HEATR5A: variants seen among roughly 807,000 people sequenced by gnomAD.
HEATR5A encodes HEAT repeat-containing protein 5A.
Under a neutral mutation model 218.8 loss-of-function variants are expected in HEATR5A, and 178 were observed. That is an observed-to-expected ratio of 0.81 (90% CI 0.72 to 0.92). The LOEUF is 0.92. Ranked by LOEUF, HEATR5A falls within the 40% of genes least tolerant of loss-of-function variation. The probability of loss-of-function intolerance (pLI) is 0.00; values close to 1 mark genes in which losing one functional copy is unlikely to be tolerated. For missense variants in HEATR5A, 2,420 were observed against 2,418.9 expected (o/e 1.00, Z -0.01); for synonymous variants, 864 against 871.6 (o/e 0.99, Z 0.15).
intron 18 of HEATR5A, 55 bp downstream of exon 18, chr14:31,349,734 G>A: frequency 8.4e-7 from 1 of 1,197,440 alleles, no homozygotes; most frequent in Non-Finnish European, 1.2e-6. Flanking sequence ...AAGCCAGAAA[G>A]CTATACCCAG....
At chr14:31,368,536 A>C (rs552543477) in intron 13 of HEATR5A, among the ~76,000 whole-genome samples, 1 of 152,006 alleles carries the variant, frequency 6.6e-6, no homozygotes, top group African/African-American at 2.4e-5. Flanking sequence ...AGTAAGGAAG[A>C]CTTCTTTTTT....
intron 7 of HEATR5A, among the ~76,000 whole-genome samples, chr14:31,388,584 C>T (rs1001686110): frequency 1.3e-5 from 2 of 152,116 alleles, no homozygotes; most frequent in African/African-American, 4.8e-5. Context: ...AGCACAACAG[C>T]TGGAAACAAA....
At chr14:31,303,231 G>A (rs1843396903) in intron 32 of HEATR5A, among the ~76,000 whole-genome samples, 2 of 152,144 alleles carry the variant, frequency 1.3e-5, no homozygotes, top group African/African-American at 4.8e-5. Context: ...TCAGGAGTTC[G>A]AGACCAGCCT....
chr14:31,415,120 G>A (rs532420128), intron 1 of HEATR5A, among the ~76,000 whole-genome samples: 1 of 152,168 alleles, frequency 6.6e-6, no homozygotes, highest in Non-Finnish European at 1.5e-5. Context: ...TTATAGGCGT[G>A]AGCCACCACG....
intron 10 of HEATR5A, among the ~76,000 whole-genome samples, chr14:31,381,562 A>G (rs113131484): frequency 6.9e-6 from 1 of 144,370 alleles, no homozygotes; most frequent in Admixed American, 6.8e-5. Context: ...TCCTTGGAAA[A>G]AAAAAAAAAA....
In HEATR5A at chr14:31,347,779, A is replaced by G; in HGVS notation, c.2837T>C (p.Leu946Ser). ...ATCAGGAGAAGTGCTGTCCTGCGCC[A>G]AAGTATAAAGGATTCCAATACAAGA... Reference protein sequence around the residue: ...LNSCIGILYTLAQDSTSPDVQ... With the variant: ...LNSCIGILYTSAQDSTSPDVQ... Residue 946 changes from leucine (L) to serine (S), a missense_variant, in exon 19 of 36, where the codon TTG becomes TCG. Coordinates refer to ENST00000543095, the MANE Select transcript of HEATR5A (RefSeq NM_015473.4). 1 of 1,608,762 alleles carries G rather than the reference A, an allele frequency of 6.2e-7. No individual in the cohort carries two copies. Among genetic ancestry groups the G allele is most frequent in the Non-Finnish European group, 8.5e-7 (1 of 1,177,926 alleles).
rs1416001179 is a variant in HEATR5A, at chr14:31,313,147, G to A, written c.4262C>T (p.Pro1421Leu). ...AVQRHKNHRQ[P>L]LKTTTCLEDG... ...TTCTAAACAGGTGGTAGTCTTCAAAGGTTGTCTGTGGTTTTTATGTCTTTG... is the reference window on the plus strand; with the variant it reads ...TTCTAAACAGGTGGTAGTCTTCAAAAGTTGTCTGTGGTTTTTATGTCTTTG... The change falls in exon 28 of 36, where the codon CCT becomes CTT. Residue 1421 changes from proline (P) to leucine (L), a missense_variant. Physicochemically the swap from Pro to Leu is moderately conservative, Grantham distance 98 (BLOSUM62 -3). Transcript: ENST00000543095. 3.1e-6 allele frequency: 5 copies of A among 1,613,698 alleles called. No homozygotes were observed. The African/African-American group carries it at 6.7e-5, about 22-fold the overall frequency.
chr14:31,402,236 A>T (rs2030904983), intron 2 of HEATR5A, among the ~76,000 whole-genome samples: 1 of 152,236 alleles, frequency 6.6e-6, no homozygotes, highest in African/African-American at 2.4e-5. Context: ...TGCATATAGT[A>T]CTGTGATTAT....
chr14:31,410,604 C>A (rs965761805), intron 1 of HEATR5A, among the ~76,000 whole-genome samples: 1 of 152,134 alleles, frequency 6.6e-6, no homozygotes, highest in African/African-American at 2.4e-5. Context: ...TAGGCAGAAT[C>A]CTAAAGCTGG....
At chr14:31,388,750 G>T (rs2030333480) in intron 7 of HEATR5A, 95 bp downstream of exon 7, 7 of 923,576 alleles carry the variant, frequency 7.6e-6, no homozygotes, top group Non-Finnish European at 1.2e-5. Flanking sequence ...CATAAGTGTT[G>T]ACCTTGCATA....
At chr14:31,385,782 C>T (rs2030193744) in intron 9 of HEATR5A, among the ~76,000 whole-genome samples, 1 of 152,168 alleles carries the variant, frequency 6.6e-6, no homozygotes, top group Admixed American at 6.5e-5. Flanking sequence ...GGCTGGAGTG[C>T]AGTGGCGTTA....
chr14:31,358,680 T>C lies in HEATR5A; in HGVS notation c.2368A>G (p.Lys790Glu), dbSNP rs759897664. Residue 790 changes from lysine (K) to glutamate (E), a missense_variant, in exon 16 of 36, where the codon AAG becomes GAG. Lys to Glu is a moderately conservative substitution (Grantham distance 56, BLOSUM62 1). Coordinates refer to ENST00000543095, the MANE Select transcript of HEATR5A (RefSeq NM_015473.4). ...PALSVISSASKLFGVVCAHVG... is the reference protein window; with the variant it reads ...PALSVISSASELFGVVCAHVG... ...TGAGCGCATACAACCCCAAAGAGCTTGGATGCAGAACTAATAACTGATAGT... is the reference window on the plus strand; with the variant it reads ...TGAGCGCATACAACCCCAAAGAGCTCGGATGCAGAACTAATAACTGATAGT... 1 of 1,613,802 alleles carries C rather than the reference T, an allele frequency of 6.2e-7. No homozygotes were observed. Among genetic ancestry groups the C allele is most frequent in the Admixed American group, 1.7e-5 (1 of 59,984 alleles).
chr14:31,408,651 T>G (rs1013324196), intron 1 of HEATR5A, among the ~76,000 whole-genome samples: 6 of 152,002 alleles, frequency 3.9e-5, no homozygotes, highest in African/African-American at 1.4e-4. Context: ...TCAGACATAG[T>G]GTATGTACTA....
intron 13 of HEATR5A, 172 bp downstream of exon 13, chr14:31,371,638 T>C: frequency 2.4e-6 from 1 of 411,762 alleles, no homozygotes; most frequent in African/African-American, 2.1e-5. Flanking sequence ...TTTCCTTCCC[T>C]TTTAATATGT....
intron 22 of HEATR5A, among the ~76,000 whole-genome samples, chr14:31,334,061 A>G (rs1347824144): frequency 6.4e-5 from 9 of 141,372 alleles, no homozygotes; most frequent in African/African-American, 2.3e-4. Context: ...AAAAAAAAGA[A>G]CTATGCCAAA....
At chr14:31,323,465 T>G in intron 24 of HEATR5A, 100 bp downstream of exon 24, 1 of 986,268 alleles carries the variant, frequency 1.0e-6, no homozygotes, top group East Asian at 3.0e-5. Flanking sequence ...TCTGGCTAGT[T>G]TCATTTTAAA....
Position 31,402,882 on chromosome 14 carries a change from A to C in HEATR5A, c.94T>G (p.Tyr32Asp). ...GTTGCCAACAAGAGCTTCTCCAAGT[A>C]TCTCAACCACTCAAAAATAAACTCT... The part of the protein sequence containing the change: ...KAEFIFEWLR[Y>D]LEKLLLATSR... The change falls in exon 2 of 36, where the codon TAC (tyrosine) becomes GAC (aspartate). Residue 32 changes from tyrosine to aspartate, a missense_variant. By Grantham distance (160) the Tyr-to-Asp change is radical. Coordinates refer to ENST00000543095, the MANE Select transcript of HEATR5A (RefSeq NM_015473.4). 6.5e-7 allele frequency: 1 copy of C among 1,536,602 alleles called. No individual in the cohort carries two copies. Among genetic ancestry groups the C allele is most frequent in the Non-Finnish European group, 8.7e-7 (1 of 1,146,964 alleles).
Position 31,294,095 on chromosome 14 carries a change from T to C in HEATR5A, c.5629A>G (p.Lys1877Glu), listed in dbSNP as rs999318687. ...ATGGAATGTAGGAGCTGGTAGGTCTTGATTTGTACCTAATAAGGTAAGAGA... is the reference window on the plus strand; with the variant it reads ...ATGGAATGTAGGAGCTGGTAGGTCTCGATTTGTACCTAATAAGGTAAGAGA... The part of the protein sequence containing the change: ...LEIKDPVVQI[K>E]TYQLLHSIFQ... The change falls in exon 35 of 36, where the codon AAG (lysine) becomes GAG (glutamate). Residue 1877 changes from lysine to glutamate, a missense_variant. Lys to Glu is a moderately conservative substitution (Grantham distance 56, BLOSUM62 1). Transcript: ENST00000543095. The C allele has an allele frequency of 6.3e-6, 10 of 1,581,542 alleles. No individual in the cohort carries two copies. Among genetic ancestry groups the C allele is most frequent in the Non-Finnish European group, 8.6e-6 (10 of 1,161,430 alleles).
At chr14:31,411,485 G>A (rs1467771445) in intron 1 of HEATR5A, among the ~76,000 whole-genome samples, 1 of 152,140 alleles carries the variant, frequency 6.6e-6, no homozygotes, top group Non-Finnish European at 1.5e-5. Context: ...TTCAGATAAA[G>A]CAGTGTTTAC....
Sources: gnomAD v4.1 joint callset for allele counts (sites outside exome capture counted in the v4.1 genomes callset) on GRCh38, gnomAD v4.1.1 for gene constraint, MANE v1.5 for transcripts, NCBI Gene and HGNC (gene_info 2026-07-23, HGNC 2026-07-21) for gene names.